Variants in CLPX observed in about 807,000 individuals in gnomAD.
CLPX encodes ATP-dependent clpX-like chaperone, mitochondrial.
Under a neutral mutation model 76.4 loss-of-function variants are expected in CLPX, and 34 were observed. The ratio of observed to expected loss-of-function variants is 0.45; its 90% CI spans 0.34 to 0.59. The LOEUF (loss-of-function observed/expected upper bound fraction) is 0.59. Ranked by LOEUF, CLPX falls within the 20% of genes least tolerant of loss-of-function variation. CLPX has a pLI of 0.01. For synonymous variants in CLPX, 248 were observed against 270.9 expected (o/e 0.92, Z 0.83); for missense variants, 613 against 757.0 (o/e 0.81, Z 2.23).
chr15:65,156,933 C>G lies in CLPX; in HGVS notation c.1058-1G>C. 1 of 1,600,568 alleles carries G rather than the reference C, an allele frequency of 6.2e-7. No individual in the cohort carries two copies. The highest frequency in any genetic ancestry group is 1.3e-5 in the African/African-American group (1 of 74,758). ...TCTACTTCATCCAGAAAGACAATTC[C>G]TATAATTTAAGGAGGATTCTATTTA... is the stretch of plus-strand genomic sequence containing the variant. On this transcript the variant is annotated splice_acceptor_variant, in intron 8 of 13. Transcript: ENST00000300107. LOFTEE classifies it high-confidence loss of function.
intron 10 of CLPX, 86 bp from the exon 11 acceptor site, chr15:65,155,167 T>TG: frequency 9.0e-7 from 1 of 1,113,608 alleles, no homozygotes; most frequent in East Asian, 2.5e-5. Context: ...CATATGATCT[T>TG]TGTAACAACT....
At chr15:65,155,972 TAATG>T in intron 9 of CLPX, 116 bp from the exon 10 acceptor site, 4 of 787,710 alleles carry the variant, frequency 5.1e-6, no homozygotes, top group Non-Finnish European at 8.2e-6. Flanking sequence ...TGCACATACC[TAATG>T]AAACTCCCAC....
chr15:65,173,663 T>A (rs1259193403), intron 3 of CLPX, among the ~76,000 whole-genome samples: 1 of 152,176 alleles, frequency 6.6e-6, no homozygotes, highest in Non-Finnish European at 1.5e-5. Flanking sequence ...CACCACCTGA[T>A]GAATGTCTAA....
intron 3 of CLPX, among the ~76,000 whole-genome samples, chr15:65,173,861 G>A (rs374554653): frequency 6.6e-5 from 10 of 152,334 alleles, no homozygotes; most frequent in African/African-American, 1.9e-4. Flanking sequence ...TAGTTAACAG[G>A]GCTAGGAGGG....
chr15:65,152,636 A>G (rs2087736839), intron 12 of CLPX, 100 bp from the exon 13 acceptor site: 3 of 350,446 alleles, frequency 8.6e-6, no homozygotes, highest in African/African-American at 4.4e-5. Flanking sequence ...TCAAGGAAAA[A>G]GAAACAAACA....
At chr15:65,173,038 A>G (rs2088032946) in intron 3 of CLPX, among the ~76,000 whole-genome samples, 1 of 152,080 alleles carries the variant, frequency 6.6e-6, no homozygotes, top group Non-Finnish European at 1.5e-5. Flanking sequence ...AAACCAAAAG[A>G]AGCCCATGAT....
At position 65,168,156 on chromosome 15, in the gene CLPX, G is replaced by A. The variant is rs181910697; in HGVS notation, c.359-1371C>T. 8.4e-4 allele frequency among the ~76,000 whole-genome samples: 127 copies of A among 151,578 alleles called. 1 individual carries two copies. The highest frequency in any genetic ancestry group is 2.9e-3 in the African/African-American group (120 of 41,362). On this transcript the variant is annotated intron_variant, in intron 3 of 13. Coordinates refer to ENST00000300107, the MANE Select transcript of CLPX (RefSeq NM_006660.5). ...TGTAATCCCAGCACTTTGGGAGGCC[G>A]AGGGGGACAGATCACGAGGTCAGGA...
At chr15:65,169,832 T>C (rs1357618157) in intron 3 of CLPX, among the ~76,000 whole-genome samples, 1 of 151,816 alleles carries the variant, frequency 6.6e-6, no homozygotes, top group African/African-American at 2.4e-5. Flanking sequence ...CTCGGCTTAC[T>C]GCAACCTTCG....
intron 3 of CLPX, among the ~76,000 whole-genome samples, chr15:65,168,888 G>A (rs1169090206): frequency 4.2e-5 from 6 of 141,852 alleles, no homozygotes; most frequent in African/African-American, 1.0e-4. Context: ...ACAGGGTATC[G>A]CTCTGTTGCC....
Position 65,150,778 on chromosome 15 carries a change from AC to A in CLPX, c.*44del. ...ACTGTAGAGACAATTATGATCCTAA[AC>A]AAAAGAAGGAAAAGCTGTATATACA... On this transcript the variant is annotated 3_prime_UTR_variant, in exon 14 of 14. Coordinates refer to ENST00000300107, the MANE Select transcript of CLPX (RefSeq NM_006660.5). 1.5e-6 allele frequency: 2 copies of A among 1,357,604 alleles called. No individual in the cohort carries two copies. Among genetic ancestry groups the A allele is most frequent in the Non-Finnish European group, 2.1e-6 (2 of 958,014 alleles). The allele number at this position is 1,357,604 out of a possible 1,614,324, so 84.1% of individuals were successfully genotyped here. A position where few individuals can be genotyped will look rare whatever the true frequency, so the allele number is the denominator to read the frequency against.
chr15:65,168,767 A>C (rs1054883496), intron 3 of CLPX, among the ~76,000 whole-genome samples: 13 of 151,938 alleles, frequency 8.6e-5, no homozygotes, highest in South Asian at 2.1e-4. Context: ...AACTTTGCGG[A>C]TACACAGTGG....
chr15:65,162,761 T>C (rs1258701559), intron 5 of CLPX, 116 bp from the exon 6 acceptor site: 2 of 619,608 alleles, frequency 3.2e-6, no homozygotes, highest in Non-Finnish European at 2.8e-6. Context: ...TTAACATTTT[T>C]CAGCTTTTCA....
chr15:65,164,835 G>C (rs536551400), intron 4 of CLPX, among the ~76,000 whole-genome samples: 17 of 151,402 alleles, frequency 1.1e-4, no homozygotes, highest in Non-Finnish European at 2.4e-4. Context: ...GGCTGGTCTT[G>C]AACTCCTGGG....
rs912336246 is a variant in CLPX at position 65,183,549 on chromosome 15, CAGGAAGGAAGGAA to C, written c.79+1513_79+1525del. Among the ~76,000 whole-genome samples the C allele has an allele frequency of 2.9e-4, 36 of 124,444 alleles. No homozygotes were observed. In the East Asian group the frequency reaches 7.5e-3, roughly 26 times the overall value. The allele number at this position is 124,444 out of a possible 152,430, so 81.6% of individuals were successfully genotyped here. The stretch of plus-strand genomic sequence containing the variant: ...AAGAAAGACAGAAAGGAAAGAAAGA[CAGGAAGGAAGGAA>C]AGGAAGGAAGGAAGGAAGGAGAAAA... On this transcript the variant is annotated intron_variant, in intron 1 of 13. Transcript: ENST00000300107.
intron 6 of CLPX, among the ~76,000 whole-genome samples, chr15:65,160,781 G>A (rs1199435135): frequency 6.6e-6 from 1 of 152,166 alleles, no homozygotes; most frequent in Non-Finnish European, 1.5e-5. Context: ...AAATGATACA[G>A]ATGATATCCA....
At chr15:65,176,590 TTTTC>T (rs1261397390) in intron 3 of CLPX, among the ~76,000 whole-genome samples, 2 of 151,944 alleles carry the variant, frequency 1.3e-5, no homozygotes, top group Admixed American at 1.3e-4. Flanking sequence ...TTTTTCTTTT[TTTTC>T]TTTCTTTTTT....
intron 2 of CLPX, among the ~76,000 whole-genome samples, 190 bp downstream of exon 2, chr15:65,179,854 T>C (rs1566987200): frequency 6.6e-6 from 1 of 152,248 alleles, no homozygotes; most frequent in South Asian, 2.1e-4. Context: ...CTGCTTACTA[T>C]GTGCAATGCT....
intron 6 of CLPX, among the ~76,000 whole-genome samples, 187 bp from the exon 7 acceptor site, chr15:65,158,938 TATATA>T (rs754019849): frequency 8.5e-5 from 13 of 152,220 alleles, no homozygotes; most frequent in Non-Finnish European, 1.6e-4. Context: ...ACACAATGAT[TATATA>T]AAGAACCTCA....
intron 3 of CLPX, among the ~76,000 whole-genome samples, chr15:65,172,117 C>T (rs999874955): frequency 2.0e-4 from 31 of 152,128 alleles, no homozygotes; most frequent in Non-Finnish European, 4.0e-4. Flanking sequence ...GCATGCGCCA[C>T]CACACCCAGC....
Sources: allele counts gnomAD v4.1 joint callset (sites outside exome capture counted in the v4.1 genomes callset), GRCh38; gene constraint gnomAD v4.1.1; transcripts MANE v1.5; gene names NCBI Gene and HGNC (gene_info 2026-07-23, HGNC 2026-07-21).